NAV2: variants seen among roughly 807,000 people sequenced by gnomAD.
The protein encoded by NAV2 is neuron navigator 2, also known as helicase, APC down-regulated 1.
A neutral mutation model predicts 223.2 loss-of-function variants in NAV2; 54 were observed. That is an observed-to-expected ratio of 0.24 (90% CI 0.19 to 0.30). NAV2 has a LOEUF of 0.30. Ranked by LOEUF, NAV2 falls within the 10% of genes least tolerant of loss-of-function variation. The pLI, the probability that NAV2 is intolerant of heterozygous loss-of-function variation, is 1.00. For synonymous variants in NAV2, 1,279 were observed against 1,239.3 expected (o/e 1.03, Z -0.67); for missense variants, 2,806 against 3,147.5 (o/e 0.89, Z 2.60).
At chr11:19,413,696 A>G (rs1463879885) in intron 1 of NAV2, among the ~76,000 whole-genome samples, 1 of 152,246 alleles carries the variant, frequency 6.6e-6, no homozygotes, top group African/African-American at 2.4e-5. Flanking sequence ...TTACCCATAA[A>G]GGGAAGCCCA....
intron 1 of NAV2, among the ~76,000 whole-genome samples, chr11:19,813,396 G>C (rs1246851249): frequency 2.0e-5 from 3 of 152,178 alleles, no homozygotes; most frequent in Non-Finnish European, 2.9e-5. Context: ...TGGGCCAAGT[G>C]GGGGAATGAT....
intron 25 of NAV2, chr11:20,082,609 G>A (rs1592051785): frequency 6.2e-7 from 1 of 1,613,620 alleles, no homozygotes; most frequent in Non-Finnish European, 8.5e-7. Flanking sequence ...AGGTAAGCAA[G>A]ACCAACTTTA....
chr11:19,511,289 C>G (rs1216662507), intron 1 of NAV2: 1 of 152,250 alleles, frequency 6.6e-6, no homozygotes, highest in Non-Finnish European at 1.5e-5. Context: ...GGCACCATGG[C>G]TCTGGCAGGC....
chr11:19,667,155 A>C (rs916429597), intron 1 of NAV2, among the ~76,000 whole-genome samples: 7 of 152,214 alleles, frequency 4.6e-5, no homozygotes, highest in Non-Finnish European at 4.4e-5. Flanking sequence ...CTGGGTTCTC[A>C]GAGCCAGGGC....
chr11:19,892,601 C>A lies in NAV2; in HGVS notation c.931+7C>A. ...CCAAGCAGCCACGAGAAAGGTGAGT[C>A]ACCTTCTTGAGGAGCCTTTTTGGTA... is the stretch of plus-strand genomic sequence containing the variant. On this transcript the variant is annotated splice_region_variant and intron_variant, in intron 6 of 37. Coordinates refer to ENST00000349880, the MANE Select transcript of NAV2 (RefSeq NM_145117.5). The A allele has an allele frequency of 1.2e-6, 2 of 1,612,866 alleles. No individual in the cohort carries two copies. The highest frequency in any genetic ancestry group is 2.2e-5 in the South Asian group (2 of 90,782).
At chr11:20,003,568 C>A (rs1446049517) in intron 11 of NAV2, among the ~76,000 whole-genome samples, 1 of 152,092 alleles carries the variant, frequency 6.6e-6, no homozygotes, top group African/African-American at 2.4e-5. Context: ...CTTGTTCTAC[C>A]CACACCCACT....
In NAV2 at chr11:19,436,414, T is replaced by C. The variant is rs1367328153; in HGVS notation, c.75+85387T>C. 3.3e-5 allele frequency among the ~76,000 whole-genome samples: 5 copies of C among 150,968 alleles called. No homozygotes were observed. The East Asian group carries it at 7.7e-4, about 23-fold the overall frequency. Reference sequence around the variant, plus strand: ...TATGTGAATTTATTTCTGGGCTCTGTAGCCTATTCCATTGGTCTATGTGTG... The same window carrying C: ...TATGTGAATTTATTTCTGGGCTCTGCAGCCTATTCCATTGGTCTATGTGTG... On this transcript the variant is annotated intron_variant, in intron 1 of 37. Transcript: ENST00000360655.
intron 4 of NAV2, among the ~76,000 whole-genome samples, chr11:19,878,434 G>C (rs1377475484): frequency 6.6e-6 from 1 of 152,184 alleles, no homozygotes; most frequent in Non-Finnish European, 1.5e-5. Context: ...AGCGGTGTCC[G>C]TATTGCCCTT....
At chr11:19,981,832 G>C (rs1411098472) in intron 10 of NAV2, among the ~76,000 whole-genome samples, 1 of 152,210 alleles carries the variant, frequency 6.6e-6, no homozygotes, top group Non-Finnish European at 1.5e-5. Flanking sequence ...ATGGATGGAT[G>C]ATGGGTAGAT....
chr11:19,604,081 G>A (rs2046419507), intron 1 of NAV2, among the ~76,000 whole-genome samples: 1 of 152,186 alleles, frequency 6.6e-6, no homozygotes, highest in African/African-American at 2.4e-5. Flanking sequence ...GCAGTGGGCT[G>A]TATCACATAG....
At chr11:19,746,986 C>T (rs957312432) in intron 1 of NAV2, among the ~76,000 whole-genome samples, 2 of 150,458 alleles carry the variant, frequency 1.3e-5, no homozygotes, top group African/African-American at 2.4e-5. Flanking sequence ...TGGTGTGCTG[C>T]ACCCATTAAC....
At chr11:19,866,326 A>T (rs1253431888) in intron 3 of NAV2, among the ~76,000 whole-genome samples, 1 of 152,184 alleles carries the variant, frequency 6.6e-6, no homozygotes, top group Non-Finnish European at 1.5e-5. Flanking sequence ...GACAGCCCCA[A>T]ACGCTGCCAG....
intron 1 of NAV2, among the ~76,000 whole-genome samples, chr11:19,829,945 G>A (rs2059837445): frequency 6.6e-6 from 1 of 152,212 alleles, no homozygotes; most frequent in South Asian, 2.1e-4. Flanking sequence ...TAAAATCTGG[G>A]ACCGGGTGCG....
intron 11 of NAV2, among the ~76,000 whole-genome samples, chr11:20,002,714 C>T (rs577717679): frequency 6.6e-4 from 100 of 152,256 alleles, no homozygotes; most frequent in African/African-American, 2.3e-3. Context: ...GTAGGTGCCC[C>T]ACTCTGATAC....
upstream of NAV2, among the ~76,000 whole-genome samples, chr11:19,349,800 C>T (rs1481918782): frequency 6.6e-6 from 1 of 152,128 alleles, no homozygotes; most frequent in Non-Finnish European, 1.5e-5. Context: ...AGGTCCCTTC[C>T]TCTCTCCTCC....
chr11:19,995,452 G>A (rs1416527280), intron 11 of NAV2, among the ~76,000 whole-genome samples: 2 of 152,206 alleles, frequency 1.3e-5, no homozygotes, highest in Admixed American at 1.3e-4. Context: ...CTCTTGTGCA[G>A]GCAGCAGAGG....
chr11:19,632,258 G>T (rs2047367429), intron 1 of NAV2, among the ~76,000 whole-genome samples: 1 of 152,178 alleles, frequency 6.6e-6, no homozygotes, highest in African/African-American at 2.4e-5. Context: ...AACAGGATTG[G>T]TCTTTTTTCT....
Position 19,946,388 on chromosome 11 carries a change from C to T in NAV2, c.2147-13C>T, listed in dbSNP as rs762464911. ...TCAGAGAATTAAACTAGTCTTAACC[C>T]TCATCTTTCTAGGGGAAGATCCTGA... On this transcript the variant is annotated splice_polypyrimidine_tract_variant and intron_variant, in intron 8 of 37. Coordinates refer to ENST00000349880, the MANE Select transcript of NAV2 (RefSeq NM_145117.5). 4 of 1,608,646 alleles carry T rather than the reference C, an allele frequency of 2.5e-6. No homozygotes were observed. Among genetic ancestry groups the T allele is most frequent in the South Asian group, 1.1e-5 (1 of 89,876 alleles).
At chr11:19,890,748 C>T (rs1449886948) in intron 5 of NAV2, among the ~76,000 whole-genome samples, 1 of 152,146 alleles carries the variant, frequency 6.6e-6, no homozygotes, top group Non-Finnish European at 1.5e-5. Flanking sequence ...GGAAGCAGAA[C>T]CAAGAGGTAC....
Sources: gnomAD v4.1 joint callset for allele counts (sites outside exome capture counted in the v4.1 genomes callset) on GRCh38, gnomAD v4.1.1 for gene constraint, MANE v1.5 for transcripts, NCBI Gene and HGNC (gene_info 2026-07-23, HGNC 2026-07-21) for gene names.